The following ACBD6 variants were observed in gnomAD, a reference collection of about 807,000 sequenced individuals.
ACBD6 encodes acyl-CoA binding domain containing 6.
Under a neutral mutation model 37.2 loss-of-function variants are expected in ACBD6, and 28 were observed. The observed-to-expected ratio is 0.75, with a 90% CI of 0.56 to 1.03. The LOEUF (loss-of-function observed/expected upper bound fraction) is 1.03. ACBD6 is among the 50% of genes least tolerant of loss of function. ACBD6 has a pLI of 0.00. For synonymous variants in ACBD6, 113 were observed against 126.8 expected (o/e 0.89, Z 0.73); for missense variants, 340 against 337.4 (o/e 1.01, Z -0.06).
At chr1:180,378,696 C>T (rs1199326511) in intron 6 of ACBD6, among the ~76,000 whole-genome samples, 1 of 152,180 alleles carries the variant, frequency 6.6e-6, no homozygotes, top group African/African-American at 2.4e-5. Context: ...CCCAGCCCAG[C>T]CCACTACAAG....
At chr1:180,461,000 A>G (rs768779220) in intron 3 of ACBD6, among the ~76,000 whole-genome samples, 2 of 152,222 alleles carry the variant, frequency 1.3e-5, no homozygotes, top group Non-Finnish European at 2.9e-5. Flanking sequence ...GCTAAAAACC[A>G]TAATAGAACA....
chr1:180,284,670 G>A (rs567313969), downstream of ACBD6, among the ~76,000 whole-genome samples: 13 of 151,914 alleles, frequency 8.6e-5, no homozygotes, highest in East Asian at 1.9e-4. Flanking sequence ...GAGCCTGGCC[G>A]ATATTAAGGT....
At chr1:180,334,510 T>C (rs566028471) in intron 6 of ACBD6, among the ~76,000 whole-genome samples, 1 of 152,168 alleles carries the variant, frequency 6.6e-6, no homozygotes, top group African/African-American at 2.4e-5. Flanking sequence ...ACCCCATCTG[T>C]ACGTCACCAT....
chr1:180,302,373 A>G (rs1412516256), intron 7 of ACBD6, among the ~76,000 whole-genome samples: 2 of 152,060 alleles, frequency 1.3e-5, no homozygotes, highest in Admixed American at 6.6e-5. Flanking sequence ...ATTTAAAAAA[A>G]AACCCTGCAT....
chr1:180,271,478 C>A (rs2149266411), exon 14 of ACBD6: 1 of 1,614,160 alleles, frequency 6.2e-7, no homozygotes. Context: ...CAAGCCTGCC[C>A]GGCACGTGAG....
chr1:180,347,900 G>C (rs1471112674), intron 6 of ACBD6, among the ~76,000 whole-genome samples: 1 of 151,946 alleles, frequency 6.6e-6, no homozygotes, highest in Non-Finnish European at 1.5e-5. Flanking sequence ...GGGAGGCGGA[G>C]CTTGCGGTGA....
At chr1:180,393,499 TA>T (rs1205978274) in intron 6 of ACBD6, among the ~76,000 whole-genome samples, 9 of 152,208 alleles carry the variant, frequency 5.9e-5, no homozygotes, top group Non-Finnish European at 8.8e-5. Flanking sequence ...ATACTTCCAA[TA>T]AAATTGATTT....
chr1:180,347,516 G>A (rs1571391027), intron 6 of ACBD6, among the ~76,000 whole-genome samples: 1 of 152,024 alleles, frequency 6.6e-6, no homozygotes, highest in Non-Finnish European at 1.5e-5. Context: ...AAAGCTGCCT[G>A]CCATCATGGC....
At chr1:180,284,589 C>T (rs1423812482), downstream of ACBD6, among the ~76,000 whole-genome samples, 1 of 151,802 alleles carries the variant, frequency 6.6e-6, no homozygotes, top group Non-Finnish European at 1.5e-5. Context: ...AGGCTGGTCT[C>T]AAGCTCCTGA....
At chr1:180,413,312 T>A in intron 5 of ACBD6, 54 bp downstream of exon 5, 9 of 1,394,352 alleles carry the variant, frequency 6.5e-6, no homozygotes, top group Non-Finnish European at 8.2e-6. Flanking sequence ...GAAAAGGCAC[T>A]GGGGCAGAAC....
chr1:180,318,682 C>T (rs777829217), intron 6 of ACBD6, among the ~76,000 whole-genome samples: 1 of 152,140 alleles, frequency 6.6e-6, no homozygotes, highest in Non-Finnish European at 1.5e-5. Context: ...ACCCCAACCC[C>T]GGACTTGGAG....
chr1:180,466,250 T>A (rs1337105429), intron 3 of ACBD6, among the ~76,000 whole-genome samples: 1 of 152,200 alleles, frequency 6.6e-6, no homozygotes, highest in Non-Finnish European at 1.5e-5. Context: ...ACTCAAAATA[T>A]AAAATTAAAG....
At chr1:180,403,333 G>T (rs1384836713) in intron 5 of ACBD6, among the ~76,000 whole-genome samples, 1 of 152,040 alleles carries the variant, frequency 6.6e-6, no homozygotes, top group Non-Finnish European at 1.5e-5. Context: ...GCATTTCATT[G>T]TATATAAATA....
intron 1 of ACBD6, among the ~76,000 whole-genome samples, chr1:180,497,489 T>C (rs1317519731): frequency 4.6e-5 from 7 of 152,246 alleles, no homozygotes; most frequent in African/African-American, 1.7e-4. Flanking sequence ...TTGTAATCCC[T>C]TTATACTCTC....
intron 3 of ACBD6, among the ~76,000 whole-genome samples, chr1:180,468,247 T>G (rs1650425095): frequency 6.6e-6 from 1 of 152,164 alleles, no homozygotes; most frequent in Non-Finnish European, 1.5e-5. Context: ...GCTTGCTAGG[T>G]AATTCCTCCA....
intron 6 of ACBD6, among the ~76,000 whole-genome samples, chr1:180,330,394 T>C (rs1651432572): frequency 1.3e-5 from 2 of 151,862 alleles, no homozygotes; most frequent in South Asian, 4.2e-4. Context: ...CACTCCAGCC[T>C]GGGCAACAGA....
At chr1:180,371,489 T>C (rs1188943345) in intron 6 of ACBD6, among the ~76,000 whole-genome samples, 1 of 152,152 alleles carries the variant, frequency 6.6e-6, no homozygotes, top group Non-Finnish European at 1.5e-5. Context: ...GAAATTCTCA[T>C]CTTCCCGACA....
intron 6 of ACBD6, among the ~76,000 whole-genome samples, chr1:180,342,073 C>T (rs1184904657): frequency 2.0e-5 from 3 of 152,016 alleles, no homozygotes; most frequent in African/African-American, 7.2e-5. Context: ...CTGAAGTGTT[C>T]TACTGTTTAA....
At chr1:180,366,129 T>C (rs4333819) in intron 6 of ACBD6, among the ~76,000 whole-genome samples, 134,901 of 152,254 alleles carry the variant, frequency 0.89, 60,250 homozygotes, top group East Asian at 0.98. Context: ...ATTTAAATAG[T>C]ACATCTCAGA....
Sources: gnomAD v4.1 joint callset for allele counts (sites outside exome capture counted in the v4.1 genomes callset) on GRCh38, gnomAD v4.1.1 for gene constraint, MANE v1.5 for transcripts, NCBI Gene and HGNC (gene_info 2026-07-23, HGNC 2026-07-21) for gene names.